The following TFDP2 variants were observed in gnomAD, a reference collection of about 807,000 sequenced individuals.
TFDP2 encodes transcription factor Dp-2.
Under a neutral mutation model 59.3 loss-of-function variants are expected in TFDP2, and 17 were observed. That is an observed-to-expected ratio of 0.29 (90% CI 0.20 to 0.43). TFDP2 has a LOEUF of 0.43. TFDP2 is among the 20% of genes least tolerant of loss of function. TFDP2 has a pLI of 1.00. For missense variants in TFDP2, 391 were observed against 528.8 expected (o/e 0.74, Z 2.56); for synonymous variants, 180 against 194.7 (o/e 0.92, Z 0.63).
intron 9 of TFDP2, among the ~76,000 whole-genome samples, chr3:141,967,414 T>C (rs1220372650): frequency 6.6e-6 from 1 of 150,916 alleles, no homozygotes; most frequent in Non-Finnish European, 1.5e-5. Flanking sequence ...TGCCTTAGCC[T>C]CCCAAGTAGC....
At chr3:142,031,022 G>A (rs1302563048) in intron 3 of TFDP2, among the ~76,000 whole-genome samples, 4 of 152,076 alleles carry the variant, frequency 2.6e-5, no homozygotes, top group African/African-American at 7.2e-5. Context: ...GATTACAGGC[G>A]TGAGCCACCG....
intron 2 of TFDP2, among the ~76,000 whole-genome samples, chr3:142,099,429 C>T (rs1458639177): frequency 2.0e-5 from 3 of 152,110 alleles, no homozygotes; most frequent in Middle Eastern, 3.2e-3. Context: ...GGGCCAGGCG[C>T]GGTGGCTCAC....
chr3:142,066,235 T>C (rs1395483913), intron 3 of TFDP2, among the ~76,000 whole-genome samples: 3 of 152,210 alleles, frequency 2.0e-5, no homozygotes, highest in African/African-American at 7.2e-5. Flanking sequence ...TTCCAGGCTG[T>C]GAAGATTTGT....
At chr3:142,108,091 G>A (rs150530712) in intron 1 of TFDP2, among the ~76,000 whole-genome samples, 19 of 152,170 alleles carry the variant, frequency 1.2e-4, no homozygotes, top group African/African-American at 3.4e-4. Context: ...AACCTTACTA[G>A]TGCCAATGAG....
intron 3 of TFDP2, among the ~76,000 whole-genome samples, chr3:142,021,984 G>T (rs1945653619): frequency 6.6e-6 from 1 of 151,958 alleles, no homozygotes. Context: ...TCTTTTTTCT[G>T]TTAGCATATT....
intron 9 of TFDP2, among the ~76,000 whole-genome samples, chr3:141,964,371 G>A (rs569294367): frequency 2.6e-4 from 39 of 152,314 alleles, no homozygotes; most frequent in Non-Finnish European, 4.3e-4. Flanking sequence ...CTCGAGGGAG[G>A]CTGGGCACAG....
At chr3:142,093,017 TAAAAC>T in intron 3 of TFDP2, 39 bp downstream of exon 3, 1 of 1,349,374 alleles carries the variant, frequency 7.4e-7, no homozygotes, top group Non-Finnish European at 1.0e-6. Context: ...ACAAATGCAA[TAAAAC>T]TAACTTAATT....
intron 6 of TFDP2, among the ~76,000 whole-genome samples, chr3:141,986,495 T>C (rs1460537070): frequency 6.6e-6 from 1 of 152,246 alleles, no homozygotes; most frequent in Non-Finnish European, 1.5e-5. Context: ...CATTCACACT[T>C]TTCATGTGAC....
intron 9 of TFDP2, among the ~76,000 whole-genome samples, chr3:141,967,355 C>T (rs1239842368): frequency 1.3e-5 from 2 of 148,430 alleles, no homozygotes; most frequent in Non-Finnish European, 1.5e-5. Context: ...TGCAGTGGGG[C>T]GATCTCAGCT....
At chr3:141,973,123 A>ATATATATATATATTTTTTTTT in intron 8 of TFDP2, among the ~76,000 whole-genome samples, 31 of 57,992 alleles carry the variant, frequency 5.3e-4, no homozygotes, top group Non-Finnish European at 9.3e-4. Context: ...ATATATATAT[A>ATATATATATATATTTTTTTTT]TTTTTTTTTT....
intron 3 of TFDP2, among the ~76,000 whole-genome samples, chr3:142,057,796 G>A (rs927680531): frequency 6.6e-6 from 1 of 152,178 alleles, no homozygotes; most frequent in African/African-American, 2.4e-5. Flanking sequence ...ACAGGGAGAC[G>A]CTAGAAGTTT....
chr3:142,115,379 C>T (rs1034225099), intron 1 of TFDP2, among the ~76,000 whole-genome samples: 3 of 148,124 alleles, frequency 2.0e-5, no homozygotes, highest in Non-Finnish European at 4.4e-5. Context: ...AGTGCAGTGG[C>T]GCGATCTCGG....
intron 3 of TFDP2, among the ~76,000 whole-genome samples, chr3:142,058,316 T>C (rs1354567049): frequency 6.6e-6 from 1 of 150,604 alleles, no homozygotes; most frequent in African/African-American, 2.4e-5. Flanking sequence ...ACCAAATGTT[T>C]GGGTTTTTTT....
chr3:141,976,131 G>A (rs934067596), intron 7 of TFDP2, among the ~76,000 whole-genome samples: 3 of 152,096 alleles, frequency 2.0e-5, no homozygotes, highest in Non-Finnish European at 4.4e-5. Flanking sequence ...CGTCCACCTC[G>A]GCCTCCCAAA....
At chr3:142,043,708 G>A in intron 3 of TFDP2, 1 of 1,153,694 alleles carries the variant, frequency 8.7e-7, no homozygotes, top group Non-Finnish European at 1.3e-6. Flanking sequence ...GTGCTTGCGT[G>A]CTTCCTTGGT....
At chr3:142,127,914 CT>C (rs766366130) in intron 1 of TFDP2, among the ~76,000 whole-genome samples, 2 of 152,176 alleles carry the variant, frequency 1.3e-5, no homozygotes, top group Admixed American at 6.5e-5. Flanking sequence ...GAAACTGCCC[CT>C]TCTGGCTGAG....
rs1276173984 is a variant in TFDP2, at chr3:141,967,589, C to T, written c.732+2484G>A. On this transcript the variant is annotated intron_variant, in intron 9 of 12. Coordinates refer to ENST00000489671, the MANE Select transcript of TFDP2 (RefSeq NM_001178139.2). ...GATTACATGCGTGAGCCACCACATC[C>T]GGCCTTTGGAAATAAGTTTTAAGTT... 3.9e-5 allele frequency among the ~76,000 whole-genome samples: 6 copies of T among 152,004 alleles called. No homozygotes were observed. In the East Asian group the frequency reaches 1.2e-3, roughly 29 times the overall value.
At chr3:142,133,058 C>T (rs949602343) in intron 1 of TFDP2, among the ~76,000 whole-genome samples, 1 of 149,832 alleles carries the variant, frequency 6.7e-6, no homozygotes, top group Non-Finnish European at 1.5e-5. Flanking sequence ...AACAGAAAAA[C>T]TACAAAACGA....
Position 141,963,837 on chromosome 3 carries a change from T to G in TFDP2, c.859A>C (p.Ile287Leu). The G allele has an allele frequency of 6.2e-7, 1 of 1,613,722 alleles. No individual in the cohort carries two copies. The highest frequency in any genetic ancestry group is 8.5e-7 in the Non-Finnish European group (1 of 1,179,932). Residue 287 changes from isoleucine to leucine, a missense_variant, in exon 10 of 13, where the codon ATA becomes CTA. Transcript: ENST00000489671. ...IIINTSRKTV[I>L]DCSISSDKFE... is the part of the protein sequence containing the mutation. ...TTGTCACTGGAGATGCTGCAATCTATGACTGTTTTTCTGCTTGTATTGATG... is the reference window on the plus strand; with the variant it reads ...TTGTCACTGGAGATGCTGCAATCTAGGACTGTTTTTCTGCTTGTATTGATG...
Sources: gnomAD v4.1 joint callset for allele counts (sites outside exome capture counted in the v4.1 genomes callset) on GRCh38, gnomAD v4.1.1 for gene constraint, MANE v1.5 for transcripts, NCBI Gene and HGNC (gene_info 2026-07-23, HGNC 2026-07-21) for gene names.